Variants in DEPDC5 observed in about 807,000 individuals in gnomAD.
DEPDC5 encodes GATOR1 complex protein DEPDC5.
A neutral mutation model predicts 217.3 loss-of-function variants in DEPDC5; 73 were observed. The ratio of observed to expected loss-of-function variants is 0.34; its 90% CI spans 0.28 to 0.41. The LOEUF is 0.41. DEPDC5 is among the 10% of genes least tolerant of loss of function. The pLI is 1.00. For synonymous variants in DEPDC5, 733 were observed against 756.7 expected, an observed-to-expected ratio of 0.97 and a Z score of 0.51; for missense variants, 1,675 against 2,070.1, an observed-to-expected ratio of 0.81 and a Z score of 3.70.
intron 10 of DEPDC5, 108 bp from the exon 11 acceptor site, chr22:31,791,925 C>CAAAA (rs34494517): frequency 7.4e-4 from 92 of 124,108 alleles, no homozygotes; most frequent in South Asian, 1.2e-3. Flanking sequence ...GACTCCGTCT[C>CAAAA]AAAAAAAAAA....
chr22:31,883,451 C>CT (rs2093230425), intron 38 of DEPDC5, among the ~76,000 whole-genome samples: 1 of 152,222 alleles, frequency 6.6e-6, no homozygotes, highest in East Asian at 1.9e-4. Context: ...CTTGTGCTTT[C>CT]TTTCACTGGT....
intron 35 of DEPDC5, 82 bp downstream of exon 35, chr22:31,873,414 GATTTGTAC>G: frequency 1.5e-5 from 23 of 1,487,988 alleles, no homozygotes; most frequent in Non-Finnish European, 1.7e-5. Flanking sequence ...TGGTTTGGTA[GATTTGTAC>G]ATGACTGTAC....
At chr22:31,844,391 C>T (rs2091590785) in intron 29 of DEPDC5, among the ~76,000 whole-genome samples, 1 of 152,054 alleles carries the variant, frequency 6.6e-6, no homozygotes, top group African/African-American at 2.4e-5. Flanking sequence ...AAGACCTTGT[C>T]TCAAAAAAAT....
intron 31 of DEPDC5, among the ~76,000 whole-genome samples, chr22:31,855,109 C>T (rs556923248): frequency 1.3e-4 from 20 of 151,900 alleles, no homozygotes; most frequent in African/African-American, 3.6e-4. Context: ...GGACTACAGA[C>T]GTGCGCCACC....
chr22:31,839,868 TG>T (rs1170239884), intron 27 of DEPDC5, among the ~76,000 whole-genome samples: 1 of 152,178 alleles, frequency 6.6e-6, no homozygotes, highest in Non-Finnish European at 1.5e-5. Flanking sequence ...TGAATTTGGC[TG>T]GGCGTAATCC....
chr22:31,846,932 T>C lies in DEPDC5; in HGVS notation c.3120T>C (p.Ala1040=). The change falls in exon 31 of 43, where the codon GCT becomes GCC. Residue 1040 remains alanine, a synonymous_variant. Transcript: ENST00000651528. ...CAGTGGGGAAGAAGGGAACCTCAGCTCTCTCTGCCCTGTTGGAGATGGAGG... is the reference window on the plus strand; with the variant it reads ...CAGTGGGGAAGAAGGGAACCTCAGCCCTCTCTGCCCTGTTGGAGATGGAGG... ...APPVGKKGTS[A]LSALLEMEAS... 1.2e-6 allele frequency: 2 copies of C among 1,614,212 alleles called. No homozygotes were observed. Among genetic ancestry groups the C allele is most frequent in the African/African-American group, 1.3e-5 (1 of 75,048 alleles).
intron 16 of DEPDC5, among the ~76,000 whole-genome samples, 156 bp from the exon 17 acceptor site, chr22:31,804,686 C>T (rs1339814133): frequency 6.6e-6 from 1 of 152,206 alleles, no homozygotes; most frequent in Non-Finnish European, 1.5e-5. Flanking sequence ...GTGGTCCGCC[C>T]GCCTTGGCCT....
intron 24 of DEPDC5, among the ~76,000 whole-genome samples, chr22:31,832,264 G>A (rs577398507): frequency 1.6e-4 from 25 of 152,216 alleles, no homozygotes; most frequent in African/African-American, 4.1e-4. Context: ...CAAAGTTTTC[G>A]TACGAACTTA....
intron 12 of DEPDC5, among the ~76,000 whole-genome samples, chr22:31,796,099 C>CT (rs60336012): frequency 0.026 from 3,272 of 127,510 alleles, 146 homozygotes; most frequent in African/African-American, 0.087. Flanking sequence ...TCCACAGTAT[C>CT]TTTTTTTTTT....
chr22:31,906,482 T>C lies in DEPDC5; in HGVS notation c.4797T>C (p.His1599=). The change falls in exon 43 of 43, where the codon CAT becomes CAC. Residue 1599 remains histidine (H), a synonymous_variant. Transcript: ENST00000651528. The surrounding 1 kb of genome is among the most constrained non-coding windows in gnomAD (Gnocchi z 5.1). ...TFWTSCLEKM[H]ASAP is the part of the protein sequence containing the mutation. ...GGACAAGTTGCCTGGAGAAGATGCA[T>C]GCCAGTGCCCCGTGAGGCCAGGCTG... The C allele has an allele frequency of 1.2e-6, 2 of 1,604,908 alleles. No individual in the cohort carries two copies. The highest frequency in any genetic ancestry group is 1.7e-6 in the Non-Finnish European group (2 of 1,172,820).
intron 32 of DEPDC5, 21 bp downstream of exon 32, chr22:31,857,574 A>G (rs1602472956): frequency 2.5e-6 from 4 of 1,585,694 alleles, no homozygotes; most frequent in Non-Finnish European, 3.4e-6. Flanking sequence ...CCGCGGTAGC[A>G]GGGAGCTGTT....
At chr22:31,784,202 T>C (rs1033771703) in intron 9 of DEPDC5, 9 of 407,502 alleles carry the variant, frequency 2.2e-5, no homozygotes, top group African/African-American at 1.7e-4. Flanking sequence ...CATTGTATGT[T>C]GAAGTCATAG....
chr22:31,860,300 C>T (rs2149141729), intron 32 of DEPDC5, among the ~76,000 whole-genome samples: 1 of 152,286 alleles, frequency 6.6e-6, no homozygotes, highest in South Asian at 2.1e-4. Flanking sequence ...TCCGCAGCCA[C>T]AAGTTTCCAA....
At chr22:31,761,967 C>CAAA (rs776677814) in intron 4 of DEPDC5, among the ~76,000 whole-genome samples, 2 of 61,336 alleles carry the variant, frequency 3.3e-5, no homozygotes, top group Non-Finnish European at 3.8e-5. Context: ...GACTCCGGCT[C>CAAA]AAAAAAAAAA....
At chr22:31,889,566 T>TCC (rs768515801) in intron 38 of DEPDC5, among the ~76,000 whole-genome samples, 3 of 139,260 alleles carry the variant, frequency 2.2e-5, no homozygotes, top group African/African-American at 8.1e-5. Context: ...TTTTTTTTTT[T>TCC]CCAGACAGAG....
At chr22:31,767,601 T>C (rs1051853206) in intron 6 of DEPDC5, among the ~76,000 whole-genome samples, 2 of 151,940 alleles carry the variant, frequency 1.3e-5, no homozygotes, top group African/African-American at 4.8e-5. Flanking sequence ...AGCTTTTTTT[T>C]TGTATTTTTA....
At position 31,828,452 on chromosome 22, in the gene DEPDC5, C is replaced by CAAA. The variant is rs35489633; in HGVS notation, c.2105-5443_2105-5441dup. Among the ~76,000 whole-genome samples the CAAA allele has an allele frequency of 5.8e-3, 423 of 72,956 alleles. 3 individuals are homozygous for CAAA. The highest frequency in any genetic ancestry group is 0.019 in the African/African-American group (330 of 17,684). The allele number at this position is 72,956 out of a possible 152,430, so 47.9% of individuals were successfully genotyped here. A position where few individuals can be genotyped will look rare whatever the true frequency, so the allele number is the denominator to read the frequency against. On this transcript the variant is annotated intron_variant, in intron 24 of 42. Transcript: ENST00000651528. ...AGGCAACAAGAGCAAAACTCCGTCT[C>CAAA]AAAAAAAAAAAAAAAAAAAAAACAG... is the stretch of plus-strand genomic sequence containing the variant.
At chr22:31,888,629 A>G (rs569943888) in intron 38 of DEPDC5, among the ~76,000 whole-genome samples, 96 of 152,136 alleles carry the variant, frequency 6.3e-4, no homozygotes, top group Non-Finnish European at 1.2e-3. Flanking sequence ...AGCTTGCTGC[A>G]GCGTCAACCT....
At chr22:31,825,841 T>C (rs191656631) in intron 24 of DEPDC5, among the ~76,000 whole-genome samples, 1 of 152,220 alleles carries the variant, frequency 6.6e-6, no homozygotes, top group African/African-American at 2.4e-5. Flanking sequence ...TGTGGTTGTA[T>C]CTTCACCTGC....
Sources: allele counts gnomAD v4.1 joint callset (sites outside exome capture counted in the v4.1 genomes callset), GRCh38; gene constraint gnomAD v4.1.1; non-coding constraint Gnocchi (gnomAD v3.1); transcripts MANE v1.5; gene names NCBI Gene and HGNC (gene_info 2026-07-23, HGNC 2026-07-21).